Variants in RESF1 observed in about 807,000 individuals in gnomAD.
RESF1 encodes retroelement silencing factor 1.
A neutral mutation model predicts 134.7 loss-of-function variants in RESF1; 65 were observed. The observed-to-expected ratio is 0.48, with a 90% CI of 0.40 to 0.59. RESF1 has a LOEUF of 0.59. Ranked by LOEUF, RESF1 falls within the 20% of genes least tolerant of loss-of-function variation. The pLI is 0.00. For synonymous variants in RESF1, 762 were observed against 702.2 expected, an observed-to-expected ratio of 1.09 and a Z score of -1.35; for missense variants, 2,274 against 2,002.7, an observed-to-expected ratio of 1.14 and a Z score of -2.59.
chr12:31,985,938 G>A lies in RESF1; in HGVS notation c.4983G>A (p.Lys1661=), dbSNP rs1939963281. 2.0e-6 allele frequency: 3 copies of A among 1,488,916 alleles called. No homozygotes were observed. Among genetic ancestry groups the A allele is most frequent in the Admixed American group, 5.2e-5 (2 of 38,184 alleles). The allele number at this position is 1,488,916 out of a possible 1,614,324, so 92.2% of individuals were successfully genotyped here. Reference sequence around the variant, plus strand: ...AGGATGTAAAGCCTCATCCTAGGAAGGAGCAAGCCCCTCTGCAAGGTCCAG... The same window carrying A: ...AGGATGTAAAGCCTCATCCTAGGAAAGAGCAAGCCCCTCTGCAAGGTCCAG... ...ERKDVKPHPR[K]EQAPLQVSGI... Residue 1661 remains lysine, a synonymous_variant, in exon 4 of 6, where the codon AAG becomes AAA. Transcript: ENST00000312561.
intron 5 of RESF1, among the ~76,000 whole-genome samples, chr12:31,990,442 TTTA>T (rs1270146052): frequency 6.9e-6 from 1 of 145,952 alleles, no homozygotes; most frequent in African/African-American, 2.8e-5. Context: ...TTTACTTATT[TTTA>T]TTTATTTATT....
At chr12:31,964,071 A>G (rs1329716306) in intron 2 of RESF1, among the ~76,000 whole-genome samples, 2 of 152,120 alleles carry the variant, frequency 1.3e-5, no homozygotes, top group Non-Finnish European at 2.9e-5. Context: ...GGTTATGATA[A>G]CTGTTTAACA....
Position 31,987,342 on chromosome 12 carries a change from T to C in RESF1, c.5086+20T>C. 1 of 1,407,964 alleles carries C rather than the reference T, an allele frequency of 7.1e-7. No individual in the cohort carries two copies. The highest frequency in any genetic ancestry group is 2.3e-5 in the East Asian group (1 of 43,748). 87.2% of individuals were successfully genotyped at this position (1,407,964 alleles called of 1,614,324 possible). On this transcript the variant is annotated intron_variant, in intron 5 of 5. Transcript: ENST00000312561. ...AGAGAGGTAAAGTCATCTTTTTAAATCTTCATTCACTTATCTCCCTATCTG... is the reference window on the plus strand; with the variant it reads ...AGAGAGGTAAAGTCATCTTTTTAAACCTTCATTCACTTATCTCCCTATCTG...
chr12:31,982,250 CT>C lies in RESF1; in HGVS notation c.1297del (p.Ser433LeufsTer13). On this transcript the variant is annotated frameshift_variant, in exon 4 of 6. Transcript: ENST00000312561. LOFTEE classifies it high-confidence loss of function. The part of the protein sequence containing the change: ...MAAGCIKMTN[T>X]SYSEPAQNSK... ...GCAGGTTGTATTAAAATGACTAATA[CT>C]TCTTATAGTGAACCAGCTCAGAATT... The C allele has an allele frequency of 6.2e-7, 1 of 1,613,772 alleles. No homozygotes were observed. Among genetic ancestry groups the C allele is most frequent in the Non-Finnish European group, 8.5e-7 (1 of 1,179,854 alleles).
At chr12:31,991,332 C>G (rs190857746) in intron 5 of RESF1, among the ~76,000 whole-genome samples, 5 of 152,130 alleles carry the variant, frequency 3.3e-5, no homozygotes, top group Admixed American at 3.3e-4. Flanking sequence ...ACTTAGAGAC[C>G]CATCTGGGGC....
chr12:31,978,302 C>CA (rs562407738), intron 3 of RESF1, among the ~76,000 whole-genome samples: 39 of 151,894 alleles, frequency 2.6e-4, no homozygotes, highest in Admixed American at 2.0e-4. Context: ...AACAGTAAAA[C>CA]AAAAAGATCT....
rs141675269 is a variant in RESF1, at chr12:31,984,674, C to G, written c.3719C>G (p.Thr1240Ser). Residue 1240 changes from threonine (T) to serine (S), a missense_variant, in exon 4 of 6, where the codon ACT becomes AGT. Thr to Ser is a moderately conservative substitution (Grantham distance 58, BLOSUM62 1). Transcript: ENST00000312561. ...QFKSLVNNPK[T>S]PPDGKSHFPE... ...AAGAGCCTTGTAAATAATCCAAAGA[C>G]TCCTCCAGATGGGAAAAGTCATTTT... 1 of 1,585,220 alleles carries G rather than the reference C, an allele frequency of 6.3e-7. No homozygotes were observed. The highest frequency in any genetic ancestry group is 8.5e-7 in the Non-Finnish European group (1 of 1,172,492).
intron 2 of RESF1, among the ~76,000 whole-genome samples, chr12:31,964,639 A>G (rs1254196262): frequency 6.6e-6 from 1 of 151,984 alleles, no homozygotes; most frequent in Non-Finnish European, 1.5e-5. Flanking sequence ...TAGACACTTA[A>G]CTTTTATAGC....
At position 31,984,166 on chromosome 12, in the gene RESF1, A is replaced by G. The variant is rs1453375110; in HGVS notation, c.3211A>G (p.Thr1071Ala). 1 of 1,612,782 alleles carries G rather than the reference A, an allele frequency of 6.2e-7. No homozygotes were observed. The highest frequency in any genetic ancestry group is 1.1e-5 in the South Asian group (1 of 90,854). ...TCCTTATGGCATTGAGGCTGTGAAT[A>G]CACGTGAAGGTTCTGTGGGCCAGCA... ...EFPYGIEAVN[T>A]REGSVGQQTT... is the part of the protein sequence containing the mutation. Residue 1071 changes from threonine to alanine, a missense_variant, in exon 4 of 6, where the codon ACA becomes GCA. Physicochemically the swap from Thr to Ala is moderately conservative, Grantham distance 58 (BLOSUM62 0). Coordinates refer to ENST00000312561, the MANE Select transcript of RESF1 (RefSeq NM_018169.4).
At chr12:31,968,384 T>C (rs1286344937) in intron 2 of RESF1, among the ~76,000 whole-genome samples, 1 of 152,192 alleles carries the variant, frequency 6.6e-6, no homozygotes, top group Non-Finnish European at 1.5e-5. Flanking sequence ...GTGGTTGGCA[T>C]AGATAGAAAA....
chr12:31,982,985 T>C lies in RESF1; in HGVS notation c.2030T>C (p.Leu677Pro), dbSNP rs746632969. The change falls in exon 4 of 6, where the codon CTT becomes CCT. Residue 677 changes from leucine to proline, a missense_variant. Transcript: ENST00000312561. ...SCSMEVLATC[L>P]SLWKKQPSDT... ...TCCATGGAAGTGCTAGCAACCTGTC[T>C]TTCCCTGTGGAAAAAGCAACCTTCA... is the stretch of plus-strand genomic sequence containing the variant. 20 of 1,614,018 alleles carry C rather than the reference T, an allele frequency of 1.2e-5. No individual in the cohort carries two copies. The highest frequency in any genetic ancestry group is 1.6e-5 in the Non-Finnish European group (19 of 1,180,034).
At chr12:31,977,433 G>C (rs778937987) in intron 3 of RESF1, among the ~76,000 whole-genome samples, 1 of 152,090 alleles carries the variant, frequency 6.6e-6, no homozygotes, top group African/African-American at 2.4e-5. Context: ...TGATCTGCCC[G>C]CCTCGGCCTC....
Position 31,984,195 on chromosome 12 carries a change from T to A in RESF1, c.3240T>A (p.Thr1080=). Residue 1080 remains threonine (T), a synonymous_variant, in exon 4 of 6, where the codon ACT becomes ACA. Coordinates refer to ENST00000312561, the MANE Select transcript of RESF1 (RefSeq NM_018169.4). ...NTREGSVGQQ[T]TYQTSEDQTA... ...GTGAAGGTTCTGTGGGCCAGCAAAC[T>A]ACATACCAGACCTCAGAAGATCAAA... The A allele has an allele frequency of 2.5e-6, 4 of 1,613,750 alleles. No individual in the cohort carries two copies. Among genetic ancestry groups the A allele is most frequent in the Non-Finnish European group, 3.4e-6 (4 of 1,179,928 alleles).
At position 31,983,961 on chromosome 12, in the gene RESF1, TGAAAA is replaced by T; in HGVS notation, c.3007_3011del (p.Glu1003LysfsTer4). On this transcript the variant is annotated frameshift_variant, in exon 4 of 6. Coordinates refer to ENST00000312561, the MANE Select transcript of RESF1 (RefSeq NM_018169.4). LOFTEE classifies it high-confidence loss of function. ...AGAAAAGTAGTTTGGAGCATGCCAC[TGAAAA>T]AAGCACAGCTAACGATACGTGCTCG... 1 of 1,613,318 alleles carries T rather than the reference TGAAAA, an allele frequency of 6.2e-7. No homozygotes were observed.
At chr12:31,991,857 T>A (rs1940098349) in intron 5 of RESF1, among the ~76,000 whole-genome samples, 1 of 152,200 alleles carries the variant, frequency 6.6e-6, no homozygotes, top group African/African-American at 2.4e-5. Flanking sequence ...CTCAACATAT[T>A]TTCAATAGGT....
chr12:31,963,805 G>C (rs987738075), intron 2 of RESF1, among the ~76,000 whole-genome samples: 2 of 152,150 alleles, frequency 1.3e-5, no homozygotes, highest in Admixed American at 6.5e-5. Context: ...TATAATTGAA[G>C]TCATAATATT....
chr12:31,960,177 G>C (rs530601260), intron 1 of RESF1, among the ~76,000 whole-genome samples: 1 of 152,206 alleles, frequency 6.6e-6, no homozygotes, highest in African/African-American at 2.4e-5. Context: ...CGAGGGACAC[G>C]GATTCCCTAA....
At position 31,980,898 on chromosome 12, in the gene RESF1, T is replaced by G. The variant is rs1451295557; in HGVS notation, c.-58T>G. ...TACAGATTCCTGACATTCAGACAAC[T>G]GACTTGTAACTGACTTATAACTGAC... is the stretch of plus-strand genomic sequence containing the variant. On this transcript the variant is annotated 5_prime_UTR_variant, in exon 4 of 6. Coordinates refer to ENST00000312561, the MANE Select transcript of RESF1 (RefSeq NM_018169.4). 5.5e-6 allele frequency: 7 copies of G among 1,268,364 alleles called. No individual in the cohort carries two copies. In the East Asian group the frequency reaches 1.7e-4, roughly 30 times the overall value. 78.6% of individuals were successfully genotyped at this position (1,268,364 alleles called of 1,614,324 possible). A position where few individuals can be genotyped will look rare whatever the true frequency, so the allele number is the denominator to read the frequency against.
chr12:31,975,099 C>G (rs1273980809), intron 3 of RESF1, among the ~76,000 whole-genome samples: 1 of 151,566 alleles, frequency 6.6e-6, no homozygotes, highest in Non-Finnish European at 1.5e-5. Context: ...ATGGTGAAAC[C>G]CCATCTCTAG....
Sources: gnomAD v4.1 joint callset for allele counts (sites outside exome capture counted in the v4.1 genomes callset) on GRCh38, gnomAD v4.1.1 for gene constraint, MANE v1.5 for transcripts, NCBI Gene and HGNC (gene_info 2026-07-23, HGNC 2026-07-21) for gene names.